BACH2: variants seen among roughly 807,000 people sequenced by gnomAD.
The protein encoded by BACH2 is BACH transcriptional regulator 2.
A neutral mutation model predicts 61.8 loss-of-function variants in BACH2; 5 were observed. The ratio of observed to expected loss-of-function variants is 0.08; its 90% CI spans 0.04 to 0.17. The LOEUF (loss-of-function observed/expected upper bound fraction) is 0.17, where lower values mean the gene tolerates loss of function less well. Among genes scored for constraint, BACH2 ranks in the 10% least tolerant of loss-of-function variants. The probability of loss-of-function intolerance (pLI) is 1.00; values close to 1 mark genes in which losing one functional copy is unlikely to be tolerated. For missense variants in BACH2, 824 were observed against 1,091.1 expected, an observed-to-expected ratio of 0.76 and a Z score of 3.45; for synonymous variants, 446 against 440.1, an observed-to-expected ratio of 1.01 and a Z score of -0.17.
rs754933285 is a variant in BACH2 at position 89,978,129 on chromosome 6, G to A, written c.244-26267C>T. 1.3e-5 allele frequency among the ~76,000 whole-genome samples: 2 copies of A among 152,274 alleles called. 1 individual carries two copies. Among genetic ancestry groups the A allele is most frequent in the South Asian group, 4.1e-4 (2 of 4,832 alleles). On this transcript the variant is annotated intron_variant, in intron 6 of 8. Coordinates refer to ENST00000257749, the MANE Select transcript of BACH2 (RefSeq NM_021813.4). ...GCATTTTCAAGTCATTAGGAAGAAA[G>A]ACTTTGACATATGAAGTGCTGCAAC... is the stretch of plus-strand genomic sequence containing the variant.
chr6:90,088,351 A>C (rs1782019709), intron 5 of BACH2, among the ~76,000 whole-genome samples: 1 of 152,190 alleles, frequency 6.6e-6, no homozygotes, highest in Non-Finnish European at 1.5e-5. Flanking sequence ...CAGCACTATT[A>C]GTCACACTTG....
At chr6:90,185,631 T>C (rs1768329256) in intron 4 of BACH2, among the ~76,000 whole-genome samples, 1 of 152,298 alleles carries the variant, frequency 6.6e-6, no homozygotes, top group East Asian at 1.9e-4. Context: ...ATAAGGTTAC[T>C]TAAATTAAGA....
intron 6 of BACH2, among the ~76,000 whole-genome samples, chr6:89,989,339 G>T (rs142688875): frequency 1.5e-3 from 235 of 152,088 alleles, no homozygotes; most frequent in African/African-American, 5.3e-3. Context: ...ACCACCACTT[G>T]ACTTTCTGTT....
chr6:90,144,376 G>T (rs190073014), intron 4 of BACH2, among the ~76,000 whole-genome samples: 1 of 152,260 alleles, frequency 6.6e-6, no homozygotes, highest in Non-Finnish European at 1.5e-5. Context: ...CAGAGGGAAG[G>T]AGGGAGGGAG....
At chr6:89,988,720 A>G (rs560804089) in intron 6 of BACH2, among the ~76,000 whole-genome samples, 1 of 152,356 alleles carries the variant, frequency 6.6e-6, no homozygotes, top group South Asian at 2.1e-4. Flanking sequence ...TCGATATCCA[A>G]TACATATCTA....
chr6:90,262,401 C>T (rs533074134), intron 2 of BACH2, among the ~76,000 whole-genome samples: 1 of 152,278 alleles, frequency 6.6e-6, no homozygotes, highest in East Asian at 1.9e-4. Context: ...ATCCCCACGC[C>T]CCATTCCCAG....
At chr6:89,992,355 T>C (rs1229228457) in intron 6 of BACH2, among the ~76,000 whole-genome samples, 2 of 152,248 alleles carry the variant, frequency 1.3e-5, no homozygotes, top group Non-Finnish European at 2.9e-5. Flanking sequence ...ATTACTCATA[T>C]TGGGGCCAGG....
At chr6:90,054,218 C>T (rs999280029) in intron 5 of BACH2, among the ~76,000 whole-genome samples, 3 of 152,204 alleles carry the variant, frequency 2.0e-5, no homozygotes, top group Non-Finnish European at 4.4e-5. Flanking sequence ...CTTTTGTAGT[C>T]AAAGAAAGCG....
intron 4 of BACH2, among the ~76,000 whole-genome samples, chr6:90,133,624 T>C (rs1473362464): frequency 6.6e-6 from 1 of 152,196 alleles, no homozygotes; most frequent in East Asian, 1.9e-4. Context: ...ATGTGCCATG[T>C]TGGTGTGCTG....
At position 90,246,667 on chromosome 6, in the gene BACH2, AT is replaced by A. The variant is rs75842602; in HGVS notation, c.-275+5845del. 7.5e-4 allele frequency among the ~76,000 whole-genome samples: 115 copies of A among 152,338 alleles called. 1 individual carries two copies. In the East Asian group the frequency reaches 0.018, roughly 24 times the overall value. ...ACATATAAAAATTAGGATTTATAAA[AT>A]ATGAATTAGATAATATAAATGAATT... On this transcript the variant is annotated intron_variant, in intron 3 of 8. Transcript: ENST00000257749.
At chr6:90,256,405 C>T (rs556697450) in intron 2 of BACH2, among the ~76,000 whole-genome samples, 1 of 152,278 alleles carries the variant, frequency 6.6e-6, no homozygotes, top group South Asian at 2.1e-4. Flanking sequence ...ATGTTTTTCC[C>T]CCTCTCTTGA....
chr6:90,086,332 A>C (rs2127806672), intron 5 of BACH2, among the ~76,000 whole-genome samples: 1 of 151,838 alleles, frequency 6.6e-6, no homozygotes, highest in Non-Finnish European at 1.5e-5. Flanking sequence ...CCCTACTTTC[A>C]CTTTTTTTGG....
At chr6:90,113,891 G>A (rs1392128714) in intron 4 of BACH2, among the ~76,000 whole-genome samples, 5 of 151,790 alleles carry the variant, frequency 3.3e-5, no homozygotes, top group South Asian at 2.1e-4. Flanking sequence ...TTACAAACAC[G>A]TCTACACACA....
At chr6:90,073,097 AG>A in intron 5 of BACH2, among the ~76,000 whole-genome samples, 1 of 152,260 alleles carries the variant, frequency 6.6e-6, no homozygotes, top group East Asian at 1.9e-4. Context: ...CCATCTTCGC[AG>A]TAAGTTATCC....
In BACH2 at chr6:89,931,577, C is replaced by G. The variant is rs918971665; in HGVS notation, c.*831G>C. On this transcript the variant is annotated 3_prime_UTR_variant, in exon 9 of 9. Coordinates refer to ENST00000257749, the MANE Select transcript of BACH2 (RefSeq NM_021813.4). The stretch of plus-strand genomic sequence containing the variant: ...AGTGGCAAAGTTGACCATTACTGTA[C>G]AGTATCTGCAAGGAAAACAAAAACA... 1.3e-5 allele frequency: 2 copies of G among 152,542 alleles called. No homozygotes were observed. The highest frequency in any genetic ancestry group is 4.2e-4 in the South Asian group (2 of 4,818). The allele number at this position is 152,542 out of a possible 1,614,324, so 9.4% of individuals were successfully genotyped here.
intron 4 of BACH2, among the ~76,000 whole-genome samples, chr6:90,124,039 A>G (rs543083330): frequency 6.6e-6 from 1 of 152,212 alleles, no homozygotes; most frequent in East Asian, 1.9e-4. Context: ...TGATATCTCC[A>G]CTTAAGGGTG....
rs187472906 is a variant in BACH2 at position 90,184,243 on chromosome 6, T to C, written c.-162+22326A>G. The stretch of plus-strand genomic sequence containing the variant: ...GAAACATGCTCAGTGGAGATATTTG[T>C]AGCTAGAATAAACGCCATTTTAACA... On this transcript the variant is annotated intron_variant, in intron 4 of 8. Coordinates refer to ENST00000257749, the MANE Select transcript of BACH2 (RefSeq NM_021813.4). Among the ~76,000 whole-genome samples, 16 of 152,328 alleles carry C rather than the reference T, an allele frequency of 1.1e-4. No homozygotes were observed. In the East Asian group the frequency reaches 3.1e-3, roughly 29 times the overall value.
At chr6:90,259,381 C>T (rs1582541896) in intron 2 of BACH2, among the ~76,000 whole-genome samples, 1 of 152,166 alleles carries the variant, frequency 6.6e-6, no homozygotes, top group Non-Finnish European at 1.5e-5. Flanking sequence ...ACTGATTGAT[C>T]TGCAGATGTT....
rs142528213 is a variant in BACH2, at chr6:90,033,260, T to C, written c.-12-24404A>G. On this transcript the variant is annotated intron_variant, in intron 5 of 8. Transcript: ENST00000257749. ...ATTTTGAGATATACCTAATGTTAAA[T>C]GACGTGTTACTGGATGCAGCACACC... Among the ~76,000 whole-genome samples the C allele has an allele frequency of 3.8e-3, 579 of 150,512 alleles. 8 individuals carry two copies. The highest frequency in any genetic ancestry group is 0.014 in the African/African-American group (553 of 40,812).
Sources: allele counts gnomAD v4.1 joint callset (sites outside exome capture counted in the v4.1 genomes callset), GRCh38; gene constraint gnomAD v4.1.1; transcripts MANE v1.5; gene names NCBI Gene and HGNC (gene_info 2026-07-23, HGNC 2026-07-21).